Variants in NTNG1 observed in about 807,000 individuals in gnomAD.
NTNG1 encodes the protein netrin-G1.
NTNG1 carries 16 observed loss-of-function variants against 54.0 expected under a neutral mutation model. The observed-to-expected ratio is 0.30, with a 90% confidence interval of 0.20 to 0.45. The LOEUF (loss-of-function observed/expected upper bound fraction) is 0.45, where lower values mean the gene tolerates loss of function less well. Ranked by LOEUF, NTNG1 falls within the 20% of genes least tolerant of loss-of-function variation. The pLI is 1.00. For missense variants in NTNG1, 530 were observed against 678.7 expected (o/e 0.78, Z 2.43); for synonymous variants, 255 against 263.1 (o/e 0.97, Z 0.30).
At chr1:107,265,872 G>T (rs1452350282) in intron 2 of NTNG1, among the ~76,000 whole-genome samples, 1 of 152,168 alleles carries the variant, frequency 6.6e-6, no homozygotes, top group Admixed American at 6.5e-5. Flanking sequence ...CTACCAGGAG[G>T]TGAGTCTCTT....
At chr1:107,377,124 G>A (rs1310322016) in intron 3 of NTNG1, among the ~76,000 whole-genome samples, 1 of 152,168 alleles carries the variant, frequency 6.6e-6, no homozygotes, top group Admixed American at 6.5e-5. Flanking sequence ...GTTTCCCCCA[G>A]TTTTGGACAC....
intron 2 of NTNG1, among the ~76,000 whole-genome samples, chr1:107,252,166 A>G (rs910732099): frequency 6.6e-6 from 1 of 152,136 alleles, no homozygotes; most frequent in Non-Finnish European, 1.5e-5. Context: ...CATTCTATAC[A>G]TTTTGTCTAT....
intron 3 of NTNG1, among the ~76,000 whole-genome samples, chr1:107,342,797 T>A (rs1570721678): frequency 6.6e-6 from 1 of 152,078 alleles, no homozygotes; most frequent in African/African-American, 2.4e-5. Context: ...TATAGAGGTG[T>A]CATACCACAG....
chr1:107,387,584 G>A (rs114834189), intron 3 of NTNG1, among the ~76,000 whole-genome samples: 2,632 of 152,258 alleles, frequency 0.017, 75 homozygotes, highest in African/African-American at 0.06. Context: ...AAGTGTTAAT[G>A]TGGCTGTCTA....
intron 6 of NTNG1, among the ~76,000 whole-genome samples, chr1:107,435,874 G>A (rs531973227): frequency 3.4e-4 from 52 of 152,180 alleles, no homozygotes; most frequent in African/African-American, 1.1e-3. Flanking sequence ...TCCATTTCTG[G>A]TTCAAGCTTT....
At chr1:107,246,533 T>C (rs2101600686) in intron 2 of NTNG1, among the ~76,000 whole-genome samples, 1 of 152,224 alleles carries the variant, frequency 6.6e-6, no homozygotes, top group Middle Eastern at 3.4e-3. Flanking sequence ...CCTCAATTGA[T>C]GTAGTAGTCA....
chr1:107,159,864 C>G (rs1655282374), intron 2 of NTNG1, among the ~76,000 whole-genome samples: 1 of 152,098 alleles, frequency 6.6e-6, no homozygotes, highest in Admixed American at 6.5e-5. Context: ...GAGAACTGAT[C>G]AACAGTGTTT....
intron 2 of NTNG1, among the ~76,000 whole-genome samples, chr1:107,183,447 T>A (rs1657217281): frequency 6.6e-6 from 1 of 152,206 alleles, no homozygotes; most frequent in Non-Finnish European, 1.5e-5. Flanking sequence ...ATATTTTTTC[T>A]ACTTGAAGCA....
At chr1:107,467,456 G>A (rs1252572380) in intron 7 of NTNG1, among the ~76,000 whole-genome samples, 1 of 152,192 alleles carries the variant, frequency 6.6e-6, no homozygotes, top group East Asian at 1.9e-4. Flanking sequence ...CACTTACAAA[G>A]CACTTAATAA....
chr1:107,472,895 A>C (rs1334683899), intron 7 of NTNG1, among the ~76,000 whole-genome samples: 2 of 152,146 alleles, frequency 1.3e-5, no homozygotes, highest in Non-Finnish European at 2.9e-5. Context: ...ATCACAACTT[A>C]GCAAAACAGC....
intron 2 of NTNG1, among the ~76,000 whole-genome samples, chr1:107,311,918 C>T (rs1285140294): frequency 2.6e-5 from 4 of 152,076 alleles, no homozygotes; most frequent in Admixed American, 6.6e-5. Flanking sequence ...AAAACTAAAA[C>T]GTATGTTCAG....
intron 1 of NTNG1, among the ~76,000 whole-genome samples, chr1:107,147,380 T>C (rs1654202442): frequency 6.6e-6 from 1 of 152,130 alleles, no homozygotes; most frequent in South Asian, 2.1e-4. Context: ...TAACGGCAAA[T>C]GCAGATGTAA....
At chr1:107,290,480 T>A (rs933725706) in intron 2 of NTNG1, among the ~76,000 whole-genome samples, 117 of 152,270 alleles carry the variant, frequency 7.7e-4, no homozygotes, top group Non-Finnish European at 1.3e-3. Context: ...CATTTTTTTT[T>A]AAATCTGCTT....
intron 3 of NTNG1, among the ~76,000 whole-genome samples, chr1:107,347,949 G>C (rs953142573): frequency 6.6e-6 from 1 of 152,080 alleles, no homozygotes. Context: ...TCCCACCCTT[G>C]ACACGTGGTG....
intron 4 of NTNG1, among the ~76,000 whole-genome samples, chr1:107,400,307 G>T (rs992824203): frequency 6.6e-6 from 1 of 152,224 alleles, no homozygotes; most frequent in Non-Finnish European, 1.5e-5. Flanking sequence ...GATAATGTGT[G>T]TAGATTTACA....
intron 3 of NTNG1, among the ~76,000 whole-genome samples, chr1:107,335,245 G>A (rs1004752183): frequency 3.9e-5 from 6 of 151,904 alleles, no homozygotes; most frequent in Non-Finnish European, 7.4e-5. Context: ...TAGTAAAATC[G>A]CAATATCACT....
intron 3 of NTNG1, among the ~76,000 whole-genome samples, chr1:107,387,954 A>G (rs1482910680): frequency 6.6e-6 from 1 of 152,192 alleles, no homozygotes; most frequent in African/African-American, 2.4e-5. Flanking sequence ...CTGGAGAGAC[A>G]ACTAAGTGTC....
At chr1:107,172,658 A>G (rs1028448751) in intron 2 of NTNG1, among the ~76,000 whole-genome samples, 2 of 152,158 alleles carry the variant, frequency 1.3e-5, no homozygotes, top group African/African-American at 4.8e-5. Context: ...TGTGGCGAAT[A>G]CTGACTATGC....
intron 2 of NTNG1, among the ~76,000 whole-genome samples, chr1:107,231,202 A>G (rs1661043268): frequency 6.6e-6 from 1 of 152,216 alleles, no homozygotes; most frequent in African/African-American, 2.4e-5. Flanking sequence ...CATGATGGCC[A>G]TGATGATCAT....
Sources: gnomAD v4.1 joint callset for allele counts (sites outside exome capture counted in the v4.1 genomes callset) on GRCh38, gnomAD v4.1.1 for gene constraint, MANE v1.5 for transcripts, NCBI Gene and HGNC (gene_info 2026-07-23, HGNC 2026-07-21) for gene names.